Variants in COL24A1 observed in about 807,000 individuals in gnomAD.
The protein encoded by COL24A1 is collagen alpha-1(XXIV) chain.
In COL24A1, 224 loss-of-function variants were observed where a neutral mutation model predicts 253.9. The observed-to-expected ratio is 0.88, with a 90% CI of 0.79 to 0.99. The LOEUF is 0.99. COL24A1 is among the 50% of genes least tolerant of loss of function. The pLI, the probability that COL24A1 is intolerant of heterozygous loss-of-function variation, is 0.00. For missense variants in COL24A1, 2,131 were observed against 2,068.5 expected (o/e 1.03, Z -0.59); for synonymous variants, 685 against 673.7 (o/e 1.02, Z -0.26).
At chr1:85,985,632 TA>T (rs1292479025) in intron 20 of COL24A1, among the ~76,000 whole-genome samples, 1 of 151,332 alleles carries the variant, frequency 6.6e-6, no homozygotes, top group Non-Finnish European at 1.5e-5. Flanking sequence ...TGGTGAAAAA[TA>T]AAGGGTGCCT....
chr1:85,823,087 A>T (rs901990411), intron 45 of COL24A1, among the ~76,000 whole-genome samples: 7 of 152,188 alleles, frequency 4.6e-5, no homozygotes, highest in Non-Finnish European at 8.8e-5. Flanking sequence ...AGTGGTCGCT[A>T]TACCTATTGT....
At chr1:86,098,227 G>GT (rs1704154472) in intron 5 of COL24A1, among the ~76,000 whole-genome samples, 1 of 151,968 alleles carries the variant, frequency 6.6e-6, no homozygotes, top group African/African-American at 2.4e-5. Flanking sequence ...AGAGGTCAGA[G>GT]TAAGGGGCTA....
At chr1:85,788,476 A>G in intron 47 of COL24A1, among the ~76,000 whole-genome samples, 1 of 152,088 alleles carries the variant, frequency 6.6e-6, no homozygotes, top group East Asian at 1.9e-4. Flanking sequence ...CATTTGTCAG[A>G]TGGTTAGATT....
At chr1:85,755,152 G>C (rs1666101557) in intron 55 of COL24A1, among the ~76,000 whole-genome samples, 1 of 152,082 alleles carries the variant, frequency 6.6e-6, no homozygotes, top group Non-Finnish European at 1.5e-5. Context: ...AATATATTCA[G>C]GGTGCTAAAA....
intron 24 of COL24A1, among the ~76,000 whole-genome samples, chr1:85,953,960 G>A (rs756471075): frequency 2.6e-5 from 4 of 152,108 alleles, no homozygotes; most frequent in African/African-American, 4.8e-5. Context: ...TTGCCTCTGG[G>A]CAGTAAGCAT....
intron 19 of COL24A1, among the ~76,000 whole-genome samples, chr1:86,003,735 C>T (rs184136721): frequency 1.2e-3 from 175 of 151,872 alleles, no homozygotes; most frequent in African/African-American, 3.7e-3. Context: ...ATAGATTCCT[C>T]GGCAGTAATC....
intron 34 of COL24A1, among the ~76,000 whole-genome samples, chr1:85,875,011 G>A (rs1558489092): frequency 1.3e-5 from 2 of 152,176 alleles, no homozygotes; most frequent in East Asian, 1.9e-4. Flanking sequence ...TTGATGATCC[G>A]AGGTAGGACA....
intron 47 of COL24A1, among the ~76,000 whole-genome samples, chr1:85,787,782 C>T (rs1570615903): frequency 1.3e-5 from 2 of 152,070 alleles, no homozygotes; most frequent in African/African-American, 4.8e-5. Context: ...ACTTTGGTTC[C>T]TTAAGGTCTT....
chr1:86,113,238 G>T (rs1035332489), intron 4 of COL24A1, among the ~76,000 whole-genome samples: 8 of 152,086 alleles, frequency 5.3e-5, no homozygotes, highest in Non-Finnish European at 1.0e-4. Flanking sequence ...AATCCTGCAA[G>T]GTTATTATTT....
intron 19 of COL24A1, among the ~76,000 whole-genome samples, chr1:85,991,233 A>G (rs1694234231): frequency 6.6e-6 from 1 of 152,246 alleles, no homozygotes; most frequent in Non-Finnish European, 1.5e-5. Flanking sequence ...TGAGACTATA[A>G]TCAGCAAAAT....
chr1:85,803,269 C>T (rs1174757675), intron 47 of COL24A1, among the ~76,000 whole-genome samples: 3 of 151,906 alleles, frequency 2.0e-5, no homozygotes, highest in Non-Finnish European at 4.4e-5. Flanking sequence ...AACCCCATCT[C>T]TACTAAAAAT....
intron 43 of COL24A1, among the ~76,000 whole-genome samples, chr1:85,834,784 T>C: frequency 6.6e-6 from 1 of 152,208 alleles, no homozygotes; most frequent in Non-Finnish European, 1.5e-5. Flanking sequence ...GCCAGGATAA[T>C]ACATTTATTC....
intron 8 of COL24A1, among the ~76,000 whole-genome samples, chr1:86,062,750 C>G (rs1701183634): frequency 6.6e-6 from 1 of 152,114 alleles, no homozygotes; most frequent in South Asian, 2.1e-4. Flanking sequence ...TTGCAGGAAA[C>G]TGATATTACA....
chr1:85,786,144 G>C (rs576305648), intron 48 of COL24A1, among the ~76,000 whole-genome samples: 6 of 152,316 alleles, frequency 3.9e-5, no homozygotes, highest in Non-Finnish European at 5.9e-5. Flanking sequence ...CTGGGTCAAA[G>C]AGTTGTTATG....
chr1:86,152,425 T>C (rs930066213), intron 1 of COL24A1, among the ~76,000 whole-genome samples: 1 of 152,244 alleles, frequency 6.6e-6, no homozygotes, highest in Non-Finnish European at 1.5e-5. Context: ...TCAGTCTATG[T>C]GTATAAGGTA....
Position 85,911,327 on chromosome 1 carries a change from T to A in COL24A1, c.2616+53A>T, listed in dbSNP as rs966671590. 12 of 1,405,944 alleles carry A rather than the reference T, an allele frequency of 8.5e-6. No individual in the cohort carries two copies. The Admixed American group carries it at 2.0e-4, about 24-fold the overall frequency. 87.1% of individuals were successfully genotyped at this position (1,405,944 alleles called of 1,614,324 possible). On this transcript the variant is annotated intron_variant, in intron 25 of 59. Coordinates refer to ENST00000370571, the MANE Select transcript of COL24A1 (RefSeq NM_152890.7). ...AAAGATCATATGAAAGTCTGCCTTT[T>A]GAATTTAGCCTAGATTTCTTCCTAT...
chr1:85,899,451 T>A (rs1684065819), intron 28 of COL24A1, among the ~76,000 whole-genome samples: 1 of 151,888 alleles, frequency 6.6e-6, no homozygotes, highest in South Asian at 2.1e-4. Flanking sequence ...GAAATGTAGG[T>A]TTGCTTAGGG....
intron 1 of COL24A1, chr1:86,154,380 G>A (rs934735148): frequency 2.0e-5 from 3 of 152,476 alleles, no homozygotes; most frequent in Non-Finnish European, 4.4e-5. Context: ...AGAACAAATT[G>A]GATATTATGA....
intron 19 of COL24A1, among the ~76,000 whole-genome samples, chr1:85,994,379 C>T (rs986397480): frequency 6.8e-6 from 1 of 146,872 alleles, no homozygotes; most frequent in African/African-American, 2.5e-5. Flanking sequence ...TGAATAATAA[C>T]TTTTTCAATT....
Sources: allele counts gnomAD v4.1 joint callset (sites outside exome capture counted in the v4.1 genomes callset), GRCh38; gene constraint gnomAD v4.1.1; transcripts MANE v1.5; gene names NCBI Gene and HGNC (gene_info 2026-07-23, HGNC 2026-07-21).